The following PCSK5 variants were observed in gnomAD, a reference collection of about 807,000 sequenced individuals.
The protein encoded by PCSK5 is proprotein convertase subtilisin/kexin type 5, also known as prohormone convertase 5.
A neutral mutation model predicts 233.2 loss-of-function variants in PCSK5; 129 were observed. The ratio of observed to expected loss-of-function variants is 0.55; its 90% CI spans 0.48 to 0.64. PCSK5 has a LOEUF of 0.64. PCSK5 is among the 30% of genes least tolerant of loss of function. The probability of loss-of-function intolerance (pLI) is 0.00; values close to 1 mark genes in which losing one functional copy is unlikely to be tolerated. For missense variants in PCSK5, 2,076 were observed against 2,430.1 expected (o/e 0.85, Z 3.06); for synonymous variants, 825 against 879.2 (o/e 0.94, Z 1.09).
chr9:76,353,948 A>G, intron 36 of PCSK5, 85 bp from the exon 37 acceptor site: 1 of 934,700 alleles, frequency 1.1e-6, no homozygotes, highest in South Asian at 1.7e-5. Context: ...CTCCTTATGA[A>G]GACAAGATGA....
chr9:76,085,798 C>G (rs1008021379), intron 7 of PCSK5, among the ~76,000 whole-genome samples: 5 of 152,170 alleles, frequency 3.3e-5, no homozygotes, highest in African/African-American at 1.2e-4. Context: ...TTTACCCTTG[C>G]AGACTTGAGC....
chr9:76,076,720 G>A (rs1413316501), intron 7 of PCSK5, among the ~76,000 whole-genome samples: 1 of 152,178 alleles, frequency 6.6e-6, no homozygotes, highest in African/African-American at 2.4e-5. Context: ...ACTGTTTTCA[G>A]AGACTTTAAC....
At position 76,296,632 on chromosome 9, in the gene PCSK5, G is replaced by A; in HGVS notation, c.3323-33G>A. On this transcript the variant is annotated intron_variant, in intron 26 of 37. Coordinates refer to ENST00000674117, the MANE Select transcript of PCSK5 (RefSeq NM_001372043.1). Reference sequence around the variant, plus strand: ...ACTTGGCCTTGCAAAGATCACTAAAGCCTTCATGCTTTCTCTCTGTGTTCT... The same window carrying A: ...ACTTGGCCTTGCAAAGATCACTAAAACCTTCATGCTTTCTCTCTGTGTTCT... The A allele has an allele frequency of 2.0e-6, 3 of 1,465,458 alleles. 1 individual carries two copies. The South Asian group carries it at 3.4e-5, about 17-fold the overall frequency. The allele number at this position is 1,465,458 out of a possible 1,614,324, so 90.8% of individuals were successfully genotyped here.
chr9:76,144,893 C>G (rs946020600), intron 10 of PCSK5, among the ~76,000 whole-genome samples: 1 of 152,052 alleles, frequency 6.6e-6, no homozygotes, highest in African/African-American at 2.4e-5. Flanking sequence ...TTTGGGAGGC[C>G]GAAGTGGGCG....
intron 2 of PCSK5, among the ~76,000 whole-genome samples, chr9:75,965,178 C>G (rs531504854): frequency 6.6e-6 from 1 of 152,242 alleles, no homozygotes; most frequent in South Asian, 2.1e-4. Flanking sequence ...TTAGTACGCA[C>G]TGTATTAGGG....
intron 30 of PCSK5, among the ~76,000 whole-genome samples, chr9:76,316,502 C>A (rs1434178200): frequency 1.3e-5 from 2 of 151,222 alleles, no homozygotes; most frequent in African/African-American, 2.4e-5. Flanking sequence ...GGTGGGCGCA[C>A]TGCTTGAGGC....
chr9:76,023,657 AAAC>A, intron 3 of PCSK5, 78 bp from the exon 4 acceptor site: 4 of 1,384,446 alleles, frequency 2.9e-6, no homozygotes, highest in Non-Finnish European at 3.9e-6. Flanking sequence ...AGAAAAAAAA[AAAC>A]AAAAGAAAGA....
chr9:76,130,775 T>C (rs895416911), intron 9 of PCSK5, among the ~76,000 whole-genome samples: 2 of 152,154 alleles, frequency 1.3e-5, no homozygotes, highest in African/African-American at 4.8e-5. Context: ...TCTTCATATA[T>C]ATTTTTGTTT....
At chr9:76,146,419 G>A (rs1350705244) in intron 10 of PCSK5, among the ~76,000 whole-genome samples, 1 of 151,920 alleles carries the variant, frequency 6.6e-6, no homozygotes, top group Non-Finnish European at 1.5e-5. Context: ...AGAAATGACT[G>A]AAGAAGGTCA....
At position 76,350,806 on chromosome 9, in the gene PCSK5, C is replaced by T. The variant is rs114479553; in HGVS notation, c.4967-22C>T. The T allele has an allele frequency of 1.7e-3, 2,438 of 1,414,648 alleles. 35 individuals are homozygous for T. The African/African-American group carries it at 0.029, about 17-fold the overall frequency. The allele number at this position is 1,414,648 out of a possible 1,614,324, so 87.6% of individuals were successfully genotyped here. A position where few individuals can be genotyped will look rare whatever the true frequency, so the allele number is the denominator to read the frequency against. ...TTGAAATCTAAGGTCAATCTCATAA[C>T]TTAGAATGTTTTCTCTTTCAGGAAA... On this transcript the variant is annotated intron_variant, in intron 35 of 37. Coordinates refer to ENST00000674117, the MANE Select transcript of PCSK5 (RefSeq NM_001372043.1).
chr9:76,068,419 A>G (rs1053322663), intron 6 of PCSK5, among the ~76,000 whole-genome samples: 2 of 152,122 alleles, frequency 1.3e-5, no homozygotes, highest in African/African-American at 4.8e-5. Flanking sequence ...GCATTTTGTA[A>G]TTCTCTCAAA....
intron 20 of PCSK5, among the ~76,000 whole-genome samples, chr9:76,203,594 T>C (rs1290782319): frequency 2.0e-5 from 3 of 151,880 alleles, no homozygotes; most frequent in Non-Finnish European, 4.4e-5. Context: ...CCAGAAAGAA[T>C]GCAGCCTGAT....
At chr9:76,104,970 A>C (rs1831918070) in intron 8 of PCSK5, among the ~76,000 whole-genome samples, 1 of 152,212 alleles carries the variant, frequency 6.6e-6, no homozygotes, top group Admixed American at 6.5e-5. Flanking sequence ...ATCAGGCTGC[A>C]AATTCACCCA....
intron 21 of PCSK5, among the ~76,000 whole-genome samples, chr9:76,228,702 A>G (rs146393532): frequency 6.6e-6 from 1 of 152,378 alleles, no homozygotes; most frequent in Non-Finnish European, 1.5e-5. Flanking sequence ...GAATGGCCTC[A>G]TCACTGCCCT....
At chr9:75,958,149 T>G (rs1465606230) in intron 2 of PCSK5, among the ~76,000 whole-genome samples, 1 of 152,160 alleles carries the variant, frequency 6.6e-6, no homozygotes, top group African/African-American at 2.4e-5. Flanking sequence ...ATGAAAAGAT[T>G]ATGCAAAAAG....
intron 20 of PCSK5, among the ~76,000 whole-genome samples, chr9:76,197,701 AC>A (rs140160456): frequency 6.6e-6 from 1 of 151,620 alleles, no homozygotes; most frequent in African/African-American, 2.4e-5. Context: ...CCAATTTAAT[AC>A]CCCCCCTCCT....
intron 6 of PCSK5, among the ~76,000 whole-genome samples, chr9:76,069,935 C>T (rs1034440003): frequency 1.3e-5 from 2 of 149,620 alleles, no homozygotes; most frequent in African/African-American, 4.9e-5. Flanking sequence ...TGCAGTACAT[C>T]GAGATCATTA....
intron 22 of PCSK5, 110 bp downstream of exon 22, chr9:76,233,706 C>T (rs1826167266): frequency 1.0e-6 from 1 of 965,890 alleles, no homozygotes; most frequent in Admixed American, 2.1e-5. Context: ...GGGTTAAGAT[C>T]AGACAGCTGT....
intron 20 of PCSK5, among the ~76,000 whole-genome samples, chr9:76,192,593 A>ACTTCTTCTTGTGTTGAATTTAATC (rs1824451540): frequency 6.6e-6 from 1 of 151,932 alleles, no homozygotes; most frequent in South Asian, 2.1e-4. Flanking sequence ...GCACATGACT[A>ACTTCTTCTTGTGTTGAATTTAATC]CTTCTTCTTG....
Sources: gnomAD v4.1 joint callset for allele counts (sites outside exome capture counted in the v4.1 genomes callset) on GRCh38, gnomAD v4.1.1 for gene constraint, MANE v1.5 for transcripts, NCBI Gene and HGNC (gene_info 2026-07-23, HGNC 2026-07-21) for gene names.